The following SNX29 variants were observed in gnomAD, a reference collection of about 807,000 sequenced individuals.
The protein encoded by SNX29 is sorting nexin-29.
In SNX29, 78 loss-of-function variants were observed where a neutral mutation model predicts 102.1. That is an observed-to-expected ratio of 0.76 (90% CI 0.64 to 0.92). SNX29 has a LOEUF of 0.92. Ranked by LOEUF, SNX29 falls within the 40% of genes least tolerant of loss-of-function variation. SNX29 has a pLI of 0.00. For missense variants in SNX29, 1,280 were observed against 1,061.7 expected, an observed-to-expected ratio of 1.21 and a Z score of -2.86; for synonymous variants, 580 against 414.5, an observed-to-expected ratio of 1.40 and a Z score of -4.85.
intron 19 of SNX29, among the ~76,000 whole-genome samples, chr16:12,481,303 G>C (rs754049516): frequency 6.6e-6 from 1 of 151,940 alleles, no homozygotes; most frequent in Non-Finnish European, 1.5e-5. Context: ...TGGGGCCACA[G>C]CTCCATTTCT....
rs1567229652 is a variant in SNX29 at position 12,571,219 on chromosome 16, C to G, written c.*2590C>G. 1 of 232,204 alleles carries G rather than the reference C, an allele frequency of 4.3e-6. No homozygotes were observed. 14.4% of individuals were successfully genotyped at this position (232,204 alleles called of 1,614,324 possible). On this transcript the variant is annotated 3_prime_UTR_variant, in exon 21 of 21. Transcript: ENST00000566228. ...AGGCAACAAACAACTGGCAGGGTTCCCAGTTCCTGGAGTTATGGAGCAGAA... is the reference window on the plus strand; with the variant it reads ...AGGCAACAAACAACTGGCAGGGTTCGCAGTTCCTGGAGTTATGGAGCAGAA...
chr16:12,190,813 G>T (rs1377059361), intron 13 of SNX29, among the ~76,000 whole-genome samples: 3 of 152,112 alleles, frequency 2.0e-5, no homozygotes, highest in African/African-American at 7.2e-5. Context: ...TTGGGTAGCG[G>T]GGCAGCAGCC....
intron 14 of SNX29, among the ~76,000 whole-genome samples, chr16:12,276,006 C>T (rs1327458435): frequency 6.7e-6 from 1 of 150,072 alleles, no homozygotes; most frequent in Admixed American, 6.7e-5. Context: ...GACTCTTCTG[C>T]TTCAGCCCTC....
chr16:12,407,395 A>C (rs1183401871), intron 18 of SNX29, among the ~76,000 whole-genome samples: 1 of 150,352 alleles, frequency 6.7e-6, no homozygotes, highest in Non-Finnish European at 1.5e-5. Context: ...CTATTTTTCC[A>C]TTTACCATGG....
chr16:12,555,441 G>A (rs759688133), intron 20 of SNX29, among the ~76,000 whole-genome samples: 5 of 152,038 alleles, frequency 3.3e-5, no homozygotes, highest in African/African-American at 7.2e-5. Flanking sequence ...AGACACTCAT[G>A]TACGCAGGGT....
At chr16:12,558,044 G>T (rs1015997663) in intron 20 of SNX29, among the ~76,000 whole-genome samples, 1 of 152,154 alleles carries the variant, frequency 6.6e-6, no homozygotes, top group African/African-American at 2.4e-5. Context: ...TAATTGGCCG[G>T]GATTACAACA....
intron 15 of SNX29, among the ~76,000 whole-genome samples, chr16:12,299,932 G>A (rs1306089964): frequency 4.6e-5 from 7 of 152,074 alleles, no homozygotes; most frequent in East Asian, 1.9e-4. Flanking sequence ...GTGCAGTCGC[G>A]CAATCTTGGC....
chr16:12,420,364 C>T (rs1186171441), intron 18 of SNX29, among the ~76,000 whole-genome samples: 1 of 152,142 alleles, frequency 6.6e-6, no homozygotes, highest in Non-Finnish European at 1.5e-5. Flanking sequence ...AGAGATGTCA[C>T]ATGTGAAGAT....
intron 19 of SNX29, among the ~76,000 whole-genome samples, chr16:12,510,372 G>A (rs562089672): frequency 1.3e-5 from 2 of 152,110 alleles, no homozygotes; most frequent in Non-Finnish European, 2.9e-5. Context: ...AACAGATGAG[G>A]CCAAACTGCA....
At position 12,432,179 on chromosome 16, in the gene SNX29, G is replaced by A. The variant is rs139482749; in HGVS notation, c.2037+28650G>A. On this transcript the variant is annotated intron_variant, in intron 18 of 20. Coordinates refer to ENST00000566228, the MANE Select transcript of SNX29 (RefSeq NM_032167.5). The stretch of plus-strand genomic sequence containing the variant: ...TCTTCATTTTTCTTCATTGATTGGG[G>A]CAGGAATAGTCCTTGGGCTTTTTGG... Among the ~76,000 whole-genome samples, 186 of 152,344 alleles carry A rather than the reference G, an allele frequency of 1.2e-3. 1 individual carries two copies. Among genetic ancestry groups the A allele is most frequent in the African/African-American group, 4.0e-3 (165 of 41,582 alleles).
chr16:12,031,238 A>G (rs570359803), intron 4 of SNX29, among the ~76,000 whole-genome samples: 17 of 151,686 alleles, frequency 1.1e-4, no homozygotes, highest in African/African-American at 4.1e-4. Flanking sequence ...ACGCTGCCTA[A>G]TTTTTGTATT....
At chr16:12,009,529 T>C (rs1013120924) in intron 3 of SNX29, among the ~76,000 whole-genome samples, 16 of 151,870 alleles carry the variant, frequency 1.1e-4, no homozygotes, top group Non-Finnish European at 1.8e-4. Context: ...CACCGTGAGA[T>C]GCTGCCATCT....
chr16:12,350,842 G>T (rs927280847), intron 15 of SNX29, among the ~76,000 whole-genome samples: 1 of 152,096 alleles, frequency 6.6e-6, no homozygotes, highest in African/African-American at 2.4e-5. Flanking sequence ...GAATTTCAGG[G>T]GCCAAGACCC....
At chr16:12,097,959 G>A (rs2052840391) in intron 11 of SNX29, among the ~76,000 whole-genome samples, 1 of 152,214 alleles carries the variant, frequency 6.6e-6, no homozygotes, top group African/African-American at 2.4e-5. Flanking sequence ...GAGCTGCACC[G>A]CCCTGGAGGA....
intron 18 of SNX29, among the ~76,000 whole-genome samples, chr16:12,446,605 A>C (rs1331886931): frequency 2.0e-5 from 3 of 152,140 alleles, no homozygotes; most frequent in South Asian, 2.1e-4. Context: ...TCGATGTTTT[A>C]GTTGGAAAGA....
At chr16:12,538,024 A>G (rs1420880062) in intron 20 of SNX29, among the ~76,000 whole-genome samples, 1 of 152,154 alleles carries the variant, frequency 6.6e-6, no homozygotes, top group African/African-American at 2.4e-5. Flanking sequence ...TTTATAGACC[A>G]AAATCGTCCT....
intron 15 of SNX29, among the ~76,000 whole-genome samples, chr16:12,279,587 A>G (rs542646636): frequency 2.3e-4 from 35 of 152,190 alleles, no homozygotes; most frequent in Non-Finnish European, 4.1e-4. Context: ...GTTCTGGGCC[A>G]TGAGTCTGTG....
At chr16:12,378,829 T>C (rs952068793) in intron 16 of SNX29, among the ~76,000 whole-genome samples, 1 of 152,190 alleles carries the variant, frequency 6.6e-6, no homozygotes, top group Non-Finnish European at 1.5e-5. Context: ...TCTCCCCTCA[T>C]GGAAACAGCA....
At chr16:12,430,255 C>G (rs1335256660) in intron 18 of SNX29, among the ~76,000 whole-genome samples, 1 of 152,192 alleles carries the variant, frequency 6.6e-6, no homozygotes, top group East Asian at 1.9e-4. Context: ...GTCCCTGGTG[C>G]CAAAATGGTT....
Sources: gnomAD v4.1 joint callset for allele counts (sites outside exome capture counted in the v4.1 genomes callset) on GRCh38, gnomAD v4.1.1 for gene constraint, MANE v1.5 for transcripts, NCBI Gene and HGNC (gene_info 2026-07-23, HGNC 2026-07-21) for gene names.